Variants in PTH2R observed in about 807,000 individuals in gnomAD.
PTH2R encodes parathyroid hormone 2 receptor.
PTH2R carries 59 observed loss-of-function variants against 60.3 expected under a neutral mutation model. That is an observed-to-expected ratio of 0.98 (90% CI 0.79 to 1.22). PTH2R has a LOEUF of 1.22. Among genes scored for constraint, PTH2R ranks in the 50% most tolerant of loss-of-function variants. PTH2R has a pLI of 0.00. For missense variants in PTH2R, 749 were observed against 682.6 expected, an observed-to-expected ratio of 1.10 and a Z score of -1.08; for synonymous variants, 256 against 243.8, an observed-to-expected ratio of 1.05 and a Z score of -0.47.
chr2:208,474,798 G>T (rs1702963187), intron 9 of PTH2R, among the ~76,000 whole-genome samples: 2 of 152,224 alleles, frequency 1.3e-5, no homozygotes, highest in Admixed American at 1.3e-4. Flanking sequence ...TGGAGAAGAT[G>T]AACTAGCTTG....
Position 208,423,966 on chromosome 2 carries a change from T to C in PTH2R, c.76-4235T>C, listed in dbSNP as rs573566667. ...TAGAAGTTTTGGTTCCTCCGTCAGC[T>C]ATCACTGACACCTATGGTGGGCTGC... On this transcript the variant is annotated intron_variant, in intron 1 of 12. Transcript: ENST00000272847. Among the ~76,000 whole-genome samples, 5 of 152,336 alleles carry C rather than the reference T, an allele frequency of 3.3e-5. No individual in the cohort carries two copies. The South Asian group carries it at 1.0e-3, about 32-fold the overall frequency.
At chr2:208,362,762 A>G (rs1700502281) in intron 1 of PTH2R, among the ~76,000 whole-genome samples, 1 of 152,128 alleles carries the variant, frequency 6.6e-6, no homozygotes, top group South Asian at 2.1e-4. Context: ...GTTTTCCATA[A>G]TGGTTGCACC....
chr2:208,364,763 A>G (rs979435390), intron 1 of PTH2R, among the ~76,000 whole-genome samples: 1 of 152,202 alleles, frequency 6.6e-6, no homozygotes, highest in Non-Finnish European at 1.5e-5. Flanking sequence ...TTTGAGTGAT[A>G]TTAACATCTT....
chr2:208,484,383 A>G (rs1478228706), intron 10 of PTH2R, among the ~76,000 whole-genome samples: 1 of 152,250 alleles, frequency 6.6e-6, no homozygotes, highest in Non-Finnish European at 1.5e-5. Flanking sequence ...AGTTGCAAAA[A>G]TAATACAGAG....
At chr2:208,421,115 T>G (rs1164558120) in intron 1 of PTH2R, among the ~76,000 whole-genome samples, 1 of 152,200 alleles carries the variant, frequency 6.6e-6, no homozygotes, top group Non-Finnish European at 1.5e-5. Flanking sequence ...GTAATAGCTT[T>G]GAAGGATGAC....
intron 10 of PTH2R, among the ~76,000 whole-genome samples, chr2:208,482,494 C>T (rs2105906394): frequency 6.6e-6 from 1 of 152,084 alleles, no homozygotes; most frequent in South Asian, 2.1e-4. Flanking sequence ...TTTAACATAA[C>T]ATTTGTATGC....
intron 9 of PTH2R, among the ~76,000 whole-genome samples, chr2:208,475,115 G>T (rs1055780587): frequency 6.6e-6 from 1 of 152,090 alleles, no homozygotes; most frequent in Non-Finnish European, 1.5e-5. Context: ...CATTTCTTTG[G>T]AGATGCTGTA....
At chr2:208,388,175 G>A (rs1701042003) in intron 1 of PTH2R, among the ~76,000 whole-genome samples, 1 of 147,970 alleles carries the variant, frequency 6.8e-6, no homozygotes, top group African/African-American at 2.5e-5. Context: ...AATTAGCCGG[G>A]CGTGGTGGCG....
At chr2:208,488,853 G>T (rs1312311493) in intron 10 of PTH2R, among the ~76,000 whole-genome samples, 159 bp from the exon 11 acceptor site, 1 of 152,094 alleles carries the variant, frequency 6.6e-6, no homozygotes, top group Non-Finnish European at 1.5e-5. Context: ...CGCCAGCCTG[G>T]GAGACAGATA....
rs1450369394 is a variant in PTH2R at position 208,437,634 on chromosome 2, C to T, written c.276C>T (p.Asp92=). 5.6e-6 allele frequency: 9 copies of T among 1,611,600 alleles called. No homozygotes were observed. Among genetic ancestry groups the T allele is most frequent in the African/African-American group, 1.3e-5 (1 of 74,780 alleles). The change falls in exon 3 of 13, where the codon GAC becomes GAT. Residue 92 remains aspartate (D), a synonymous_variant. Transcript: ENST00000272847. ...TTCCATGCCCTCCTTATATTTATGA[C>T]TTCAACCATAAAGGTATTGAATTTT... ...SAVPCPPYIY[D]FNHKGVAFRH...
chr2:208,428,375 C>A, intron 2 of PTH2R, 72 bp downstream of exon 2: 1 of 1,089,104 alleles, frequency 9.2e-7, no homozygotes, highest in South Asian at 1.4e-5. Flanking sequence ...CATTTCCCTC[C>A]TTCTTTAGTG....
At chr2:208,465,071 G>A (rs1231208357) in intron 9 of PTH2R, among the ~76,000 whole-genome samples, 1 of 152,024 alleles carries the variant, frequency 6.6e-6, no homozygotes, top group Non-Finnish European at 1.5e-5. Context: ...GATCTCCTGG[G>A]CTCAAGTGAT....
chr2:208,454,889 G>GA (rs917624300), intron 8 of PTH2R, among the ~76,000 whole-genome samples: 23 of 150,524 alleles, frequency 1.5e-4, no homozygotes, highest in Admixed American at 3.3e-4. Flanking sequence ...GCTATGCACT[G>GA]AAAAAAAAAT....
At chr2:208,377,601 C>A (rs1019539505) in intron 1 of PTH2R, among the ~76,000 whole-genome samples, 3 of 150,228 alleles carry the variant, frequency 2.0e-5, no homozygotes, top group African/African-American at 7.5e-5. Flanking sequence ...GCTGACCCCC[C>A]ACCTGCCTCC....
At chr2:208,408,740 A>G (rs2363578) in intron 1 of PTH2R, among the ~76,000 whole-genome samples, 97,886 of 123,668 alleles carry the variant, frequency 0.79, 39,973 homozygotes, top group Middle Eastern at 0.88. Context: ...GAGAGAGAGA[A>G]AGAGAGAGAG....
rs763805624 is a variant in PTH2R, at chr2:208,450,699, C to A, written c.854-50C>A. On this transcript the variant is annotated intron_variant, in intron 7 of 12. Coordinates refer to ENST00000272847, the MANE Select transcript of PTH2R (RefSeq NM_005048.4). ...TATATGGTGAATTTGAGGAAAAAAC[C>A]TCCTTAATCTTAAAATAAATCTAGT... 3 of 1,578,950 alleles carry A rather than the reference C, an allele frequency of 1.9e-6. No homozygotes were observed. The South Asian group carries it at 3.3e-5, about 17-fold the overall frequency.
At chr2:208,474,058 G>T (rs532200824) in intron 9 of PTH2R, among the ~76,000 whole-genome samples, 109 of 152,254 alleles carry the variant, frequency 7.2e-4, no homozygotes, top group Non-Finnish European at 1.3e-3. Flanking sequence ...TTATTATAGG[G>T]TTGGTAGTTG....
At chr2:208,448,328 TTTTAAAGTTAA>T (rs1283652372) in intron 7 of PTH2R, among the ~76,000 whole-genome samples, 6 of 152,198 alleles carry the variant, frequency 3.9e-5, no homozygotes, top group Non-Finnish European at 5.9e-5. Flanking sequence ...TTTGTAGTTA[TTTTAAAGTTAA>T]TTTAAAGTTT....
At chr2:208,365,619 T>G (rs966099182) in intron 1 of PTH2R, among the ~76,000 whole-genome samples, 1 of 152,100 alleles carries the variant, frequency 6.6e-6, no homozygotes, top group Middle Eastern at 3.4e-3. Flanking sequence ...ACATATTGGG[T>G]AATTATTTAT....
Sources: gnomAD v4.1 joint callset for allele counts (sites outside exome capture counted in the v4.1 genomes callset) on GRCh38, gnomAD v4.1.1 for gene constraint, MANE v1.5 for transcripts, NCBI Gene and HGNC (gene_info 2026-07-23, HGNC 2026-07-21) for gene names.